PRSS23: variants seen among roughly 807,000 people sequenced by gnomAD.
The protein encoded by PRSS23 is serine protease 23, also known as protease, serine 23.
A neutral mutation model predicts 34.7 loss-of-function variants in PRSS23; 25 were observed. The observed-to-expected ratio is 0.72, with a 90% CI of 0.53 to 1.01. PRSS23 has a LOEUF of 1.01. PRSS23 is among the 50% of genes least tolerant of loss of function. The pLI, the probability that PRSS23 is intolerant of heterozygous loss-of-function variation, is 0.00. For missense variants in PRSS23, 445 were observed against 475.6 expected, an observed-to-expected ratio of 0.94 and a Z score of 0.60; for synonymous variants, 176 against 186.6, an observed-to-expected ratio of 0.94 and a Z score of 0.46.
In PRSS23 at chr11:86,810,586, G is replaced by C. The variant is rs899979984; in HGVS notation, c.*1791G>C. 6 of 166,982 alleles carry C rather than the reference G, an allele frequency of 3.6e-5. No individual in the cohort carries two copies. The Admixed American group carries it at 3.9e-4, about 11-fold the overall frequency. 10.3% of individuals were successfully genotyped at this position (166,982 alleles called of 1,614,324 possible). ...TGTCTGGTATTTGGGGGTTTTGTTT[G>C]TTTTTGCTTTAGCTTGGTGAAAAAA... On this transcript the variant is annotated 3_prime_UTR_variant, in exon 2 of 2. Transcript: ENST00000280258.
At chr11:86,950,298 TCC>T in intron 2 of PRSS23, 1 of 152,826 alleles carries the variant, frequency 6.5e-6, no homozygotes, top group South Asian at 2.1e-4. Context: ...AATCTCATTT[TCC>T]TCTGAATTAA....
chr11:86,952,233 TG>T, exon 3 of PRSS23: 1 of 1,614,104 alleles, frequency 6.2e-7, no homozygotes, highest in Non-Finnish European at 8.5e-7. Context: ...CCAGGCTGGA[TG>T]GGGGTTTTGT....
chr11:86,948,163 A>T (rs1949259336), intron 2 of PRSS23: 1 of 152,080 alleles, frequency 6.6e-6, no homozygotes. Context: ...GGGATGAGAG[A>T]TGTGTTAAAA....
chr11:86,852,676 C>T (rs1476473100), intron 2 of PRSS23, among the ~76,000 whole-genome samples: 1 of 152,102 alleles, frequency 6.6e-6, no homozygotes, highest in Non-Finnish European at 1.5e-5. Flanking sequence ...GTTTAGCAAC[C>T]ATCACCTCCA....
chr11:86,826,556 T>A (rs886966659), intron 2 of PRSS23, among the ~76,000 whole-genome samples: 1 of 152,210 alleles, frequency 6.6e-6, no homozygotes, highest in African/African-American at 2.4e-5. Flanking sequence ...AGAGAGGGCA[T>A]CCCTGTCTTG....
intron 2 of PRSS23, among the ~76,000 whole-genome samples, chr11:86,938,436 T>G (rs1949179005): frequency 6.6e-6 from 1 of 151,000 alleles, no homozygotes; most frequent in Admixed American, 6.6e-5. Flanking sequence ...GGCCACGGAG[T>G]GAAAGAGCCT....
intron 2 of PRSS23, among the ~76,000 whole-genome samples, chr11:86,868,681 G>A (rs1256115159): frequency 6.6e-6 from 1 of 152,114 alleles, no homozygotes; most frequent in East Asian, 1.9e-4. Flanking sequence ...GGGAGGAGTG[G>A]CAAGGAAGTT....
chr11:86,791,773 T>A (rs1032820147), intron 1 of PRSS23, among the ~76,000 whole-genome samples: 1 of 152,192 alleles, frequency 6.6e-6, no homozygotes, highest in Non-Finnish European at 1.5e-5. Context: ...CTGTTCAAGG[T>A]GGCTCCCCGT....
intron 2 of PRSS23, among the ~76,000 whole-genome samples, chr11:86,889,873 T>C (rs1228772017): frequency 2.6e-5 from 4 of 152,182 alleles, no homozygotes; most frequent in Admixed American, 6.5e-5. Flanking sequence ...GTTAGAATCA[T>C]CTGGAGAGCT....
chr11:86,828,445 T>C (rs555438926), intron 2 of PRSS23, among the ~76,000 whole-genome samples: 7 of 152,318 alleles, frequency 4.6e-5, no homozygotes, highest in Admixed American at 4.6e-4. Context: ...TGACTCTTTA[T>C]CCAATTTGCC....
chr11:86,800,183 C>G (rs1023428668), upstream of PRSS23: 4 of 152,358 alleles, frequency 2.6e-5, no homozygotes, highest in African/African-American at 9.7e-5. Context: ...GCCGTAGTCT[C>G]GCTCAGGAGG....
chr11:86,893,666 T>C (rs1004626930), intron 2 of PRSS23, among the ~76,000 whole-genome samples: 3 of 152,244 alleles, frequency 2.0e-5, no homozygotes, highest in Admixed American at 6.5e-5. Flanking sequence ...TATAGATATA[T>C]ACATGCATTG....
chr11:86,900,781 CT>C (rs60869425), intron 2 of PRSS23, among the ~76,000 whole-genome samples: 36 of 94,016 alleles, frequency 3.8e-4, no homozygotes, highest in South Asian at 1.2e-3. Flanking sequence ...ATCTCTCTCT[CT>C]TTTTTTTTTT....
chr11:86,811,283 T>C (rs865848390), downstream of PRSS23: 2 of 165,386 alleles, frequency 1.2e-5, no homozygotes, highest in African/African-American at 4.8e-5. Context: ...TTCTACTAAA[T>C]ACATTCTGGG....
At chr11:86,939,426 A>ATATATATATATATATTTTT in intron 2 of PRSS23, among the ~76,000 whole-genome samples, 4 of 94,070 alleles carry the variant, frequency 4.3e-5, no homozygotes, top group East Asian at 5.9e-4. Context: ...ATATATATAT[A>ATATATATATATATATTTTT]TTTTTTAACA....
At chr11:86,837,772 AAG>A (rs1465353950) in intron 2 of PRSS23, among the ~76,000 whole-genome samples, 1 of 152,194 alleles carries the variant, frequency 6.6e-6, no homozygotes, top group Admixed American at 6.5e-5. Context: ...ATCTCAAAAA[AAG>A]AGAGAAAGTT....
chr11:86,835,322 C>T (rs1948396180), intron 2 of PRSS23, among the ~76,000 whole-genome samples: 1 of 152,234 alleles, frequency 6.6e-6, no homozygotes, highest in African/African-American at 2.4e-5. Context: ...CAACCTTTTG[C>T]CGCTACATCA....
downstream of PRSS23, among the ~76,000 whole-genome samples, chr11:86,811,570 C>A (rs1232881380): frequency 8.5e-5 from 13 of 152,086 alleles, no homozygotes; most frequent in Non-Finnish European, 1.9e-4. Context: ...GGAAAATAGC[C>A]TTAAAGGGGT....
intron 2 of PRSS23, among the ~76,000 whole-genome samples, chr11:86,853,098 C>T (rs1235326382): frequency 1.3e-5 from 2 of 151,822 alleles, no homozygotes; most frequent in Non-Finnish European, 2.9e-5. Flanking sequence ...AAGTGATCCA[C>T]CTGCCTCAGC....
Sources: gnomAD v4.1 joint callset for allele counts (sites outside exome capture counted in the v4.1 genomes callset) on GRCh38, gnomAD v4.1.1 for gene constraint, MANE v1.5 for transcripts, NCBI Gene and HGNC (gene_info 2026-07-23, HGNC 2026-07-21) for gene names.